UNC13C: variants seen among roughly 807,000 people sequenced by gnomAD.
UNC13C encodes protein unc-13 homolog C.
Under a neutral mutation model 245.4 loss-of-function variants are expected in UNC13C, and 174 were observed. The ratio of observed to expected loss-of-function variants is 0.71; its 90% CI spans 0.63 to 0.80. UNC13C has a LOEUF of 0.80. Among genes scored for constraint, UNC13C ranks in the 30% least tolerant of loss-of-function variants. The probability of loss-of-function intolerance (pLI) is 0.00; values close to 1 mark genes in which losing one functional copy is unlikely to be tolerated. For synonymous variants in UNC13C, 992 were observed against 895.1 expected, an observed-to-expected ratio of 1.11 and a Z score of -1.93; for missense variants, 2,829 against 2,602.9, an observed-to-expected ratio of 1.09 and a Z score of -1.89.
intron 19 of UNC13C, among the ~76,000 whole-genome samples, chr15:54,446,471 G>T (rs1439448014): frequency 6.6e-6 from 1 of 152,068 alleles, no homozygotes; most frequent in South Asian, 2.1e-4. Context: ...TTATTTCGTT[G>T]AACATTGGTT....
intron 29 of UNC13C, among the ~76,000 whole-genome samples, chr15:54,555,742 C>T (rs1221524511): frequency 6.6e-6 from 1 of 152,024 alleles, no homozygotes; most frequent in Non-Finnish European, 1.5e-5. Context: ...TGTCTATCTC[C>T]TTATGACATC....
At chr15:53,899,055 A>G in the UNC13C span, among the ~76,000 whole-genome samples, 12 of 151,888 alleles carry the variant, frequency 7.9e-5, no homozygotes, top group South Asian at 1.2e-3. Context: ...GTTTCCATAT[A>G]GTAACCTCAT....
chr15:54,460,514 G>A lies in UNC13C; in HGVS notation c.4934-34094G>A, dbSNP rs544858303. ...TGAGTGGCTGTAATGGCTGGAGTTG[G>A]TTGGCCTCCAGCCAGGAAGTGGCAC... On this transcript the variant is annotated intron_variant, in intron 19 of 32. Transcript: ENST00000260323. Among the ~76,000 whole-genome samples the A allele has an allele frequency of 2.3e-4, 35 of 152,322 alleles. 2 individuals carry two copies. The South Asian group carries it at 7.2e-3, about 32-fold the overall frequency.
At chr15:54,487,735 C>G (rs1893487771) in intron 19 of UNC13C, among the ~76,000 whole-genome samples, 1 of 140,676 alleles carries the variant, frequency 7.1e-6, no homozygotes, top group Non-Finnish European at 1.5e-5. Context: ...CCACTGCACT[C>G]CAGCCTGGGC....
chr15:54,516,415 G>C (rs1215888460), intron 24 of UNC13C, among the ~76,000 whole-genome samples: 1 of 152,128 alleles, frequency 6.6e-6, no homozygotes, highest in Admixed American at 6.5e-5. Context: ...TTTGGGGCAG[G>C]GCCAGGTGAT....
chr15:54,331,397 G>A (rs933235066), intron 14 of UNC13C, among the ~76,000 whole-genome samples: 1 of 151,984 alleles, frequency 6.6e-6, no homozygotes, highest in Non-Finnish European at 1.5e-5. Context: ...CTGTTAAGAG[G>A]ACAGTTCAAC....
chr15:54,594,729 G>C (rs73403839), intron 30 of UNC13C, among the ~76,000 whole-genome samples: 21,680 of 152,158 alleles, frequency 0.14, 1,622 homozygotes, highest in Middle Eastern at 0.24. Context: ...AGTTGGGCTT[G>C]AAAACTTGCC....
chr15:53,865,645 G>GGGAGAGC, the UNC13C span, among the ~76,000 whole-genome samples: 1 of 152,080 alleles, frequency 6.6e-6, no homozygotes, highest in Non-Finnish European at 1.5e-5. Flanking sequence ...CCATAACAGT[G>GGGAGAGC]ACATGAGTAG....
chr15:54,494,543 A>T, intron 19 of UNC13C, 65 bp from the exon 20 acceptor site: 1 of 1,375,248 alleles, frequency 7.3e-7, no homozygotes, highest in Non-Finnish European at 9.6e-7. Context: ...ATAAAAATAG[A>T]TTGGAACATA....
chr15:54,333,317 AT>A (rs1486137003), intron 15 of UNC13C, among the ~76,000 whole-genome samples: 1 of 151,966 alleles, frequency 6.6e-6, no homozygotes, highest in East Asian at 1.9e-4. Context: ...ATGCAAACTT[AT>A]TTTTTTAACT....
chr15:54,100,202 A>C (rs888940532), intron 2 of UNC13C, among the ~76,000 whole-genome samples: 3 of 150,230 alleles, frequency 2.0e-5, no homozygotes, highest in African/African-American at 7.4e-5. Flanking sequence ...AGTTTTCTCT[A>C]TTTGTTGTCT....
At chr15:54,330,511 TG>T (rs2140992747) in intron 14 of UNC13C, among the ~76,000 whole-genome samples, 1 of 152,198 alleles carries the variant, frequency 6.6e-6, no homozygotes, top group East Asian at 1.9e-4. Context: ...GGCCACAGTA[TG>T]GTTGATCAGT....
At chr15:54,282,223 A>T (rs2037015996) in intron 10 of UNC13C, among the ~76,000 whole-genome samples, 1 of 152,216 alleles carries the variant, frequency 6.6e-6, no homozygotes, top group African/African-American at 2.4e-5. Flanking sequence ...TCATGTATGT[A>T]GTTATATATA....
chr15:54,486,005 C>G (rs1893384042), intron 19 of UNC13C, among the ~76,000 whole-genome samples: 1 of 152,108 alleles, frequency 6.6e-6, no homozygotes, highest in Non-Finnish European at 1.5e-5. Context: ...TCACATTATA[C>G]TTCACATTAT....
chr15:54,055,159 A>C (rs907647430), intron 2 of UNC13C, among the ~76,000 whole-genome samples: 1 of 152,212 alleles, frequency 6.6e-6, no homozygotes, highest in African/African-American at 2.4e-5. Context: ...AATGCCAAAT[A>C]ATTGATTTAT....
intron 8 of UNC13C, among the ~76,000 whole-genome samples, chr15:54,263,074 T>C (rs920746615): frequency 6.6e-6 from 1 of 152,184 alleles, no homozygotes; most frequent in African/African-American, 2.4e-5. Context: ...GTTTATGAGA[T>C]ATTAGTATGC....
intron 2 of UNC13C, among the ~76,000 whole-genome samples, chr15:54,133,913 C>A (rs7183423): frequency 0.37 from 55,774 of 151,790 alleles, 10,308 homozygotes; most frequent in Admixed American, 0.39. Flanking sequence ...ATTCTTTCCC[C>A]AGCTTTATTA....
intron 30 of UNC13C, among the ~76,000 whole-genome samples, chr15:54,572,488 C>T (rs1012446609): frequency 2.7e-5 from 4 of 148,094 alleles, no homozygotes; most frequent in African/African-American, 5.0e-5. Flanking sequence ...TGCAGTGGCA[C>T]GATCTCGGCT....
At chr15:53,984,914 C>T (rs1894068230) in intron 1 of UNC13C, among the ~76,000 whole-genome samples, 1 of 151,992 alleles carries the variant, frequency 6.6e-6, no homozygotes, top group South Asian at 2.1e-4. Flanking sequence ...CTAATATAAG[C>T]TTATATGTAT....
Sources: allele counts gnomAD v4.1 joint callset (sites outside exome capture counted in the v4.1 genomes callset), GRCh38; gene constraint gnomAD v4.1.1; transcripts MANE v1.5; gene names NCBI Gene and HGNC (gene_info 2026-07-23, HGNC 2026-07-21).